DPP10: variants seen among roughly 807,000 people sequenced by gnomAD.
DPP10 encodes dipeptidyl peptidase like 10.
DPP10 carries 33 observed loss-of-function variants against 120.9 expected under a neutral mutation model. The observed-to-expected ratio is 0.27, with a 90% CI of 0.21 to 0.37. DPP10 has a LOEUF of 0.37. Ranked by LOEUF, DPP10 falls within the 10% of genes least tolerant of loss-of-function variation. DPP10 has a pLI of 1.00. For missense variants in DPP10, 816 were observed against 942.8 expected (o/e 0.87, Z 1.76); for synonymous variants, 337 against 326.1 (o/e 1.03, Z -0.36).
intron 13 of DPP10, among the ~76,000 whole-genome samples, chr2:115,775,999 G>C (rs1682051775): frequency 6.6e-6 from 1 of 152,218 alleles, no homozygotes. Flanking sequence ...CTTCTTTAAG[G>C]TGATGAAGGC....
chr2:115,474,533 T>A (rs191996773), intron 3 of DPP10, among the ~76,000 whole-genome samples: 1 of 152,264 alleles, frequency 6.6e-6, no homozygotes, highest in African/African-American at 2.4e-5. Flanking sequence ...TTTGGAACTT[T>A]GAACTTAAGA....
At chr2:114,506,328 G>C (rs12328542) in intron 1 of DPP10, among the ~76,000 whole-genome samples, 1 of 152,134 alleles carries the variant, frequency 6.6e-6, no homozygotes, top group African/African-American at 2.4e-5. Context: ...GAATCCGGCC[G>C]TTCCTCCTCC....
intron 5 of DPP10, among the ~76,000 whole-genome samples, chr2:115,556,599 G>A (rs957938885): frequency 6.6e-6 from 1 of 152,008 alleles, no homozygotes; most frequent in African/African-American, 2.4e-5. Flanking sequence ...GATTTTCTCT[G>A]TGCTTAGCAA....
chr2:115,610,222 C>T (rs976195130), intron 5 of DPP10, among the ~76,000 whole-genome samples: 4 of 152,046 alleles, frequency 2.6e-5, no homozygotes, highest in African/African-American at 9.7e-5. Flanking sequence ...CCTCAGTTCC[C>T]CTCACCCCCC....
intron 3 of DPP10, among the ~76,000 whole-genome samples, chr2:115,421,536 A>G (rs1393721737): frequency 6.6e-6 from 1 of 152,136 alleles, no homozygotes; most frequent in Admixed American, 6.6e-5. Flanking sequence ...AAGGAATTCC[A>G]TGAGGGACTA....
At chr2:114,674,403 C>T (rs1698539332) in intron 1 of DPP10, among the ~76,000 whole-genome samples, 1 of 151,708 alleles carries the variant, frequency 6.6e-6, no homozygotes, top group African/African-American at 2.4e-5. Flanking sequence ...TCATTGATTT[C>T]TTGATTTTAC....
intron 1 of DPP10, among the ~76,000 whole-genome samples, chr2:115,182,851 T>C (rs1313457481): frequency 2.6e-5 from 4 of 152,176 alleles, no homozygotes; most frequent in Non-Finnish European, 4.4e-5. Context: ...ACTTCATCCC[T>C]TTTTCTTCTT....
intron 1 of DPP10, among the ~76,000 whole-genome samples, chr2:114,992,588 C>G (rs1223240990): frequency 6.6e-6 from 1 of 152,080 alleles, no homozygotes; most frequent in Non-Finnish European, 1.5e-5. Context: ...TTAAGACTGC[C>G]CTCTCCACTC....
intron 1 of DPP10, among the ~76,000 whole-genome samples, chr2:114,986,569 A>G (rs887112679): frequency 2.4e-4 from 36 of 152,334 alleles, no homozygotes; most frequent in African/African-American, 8.2e-4. Flanking sequence ...CTACCAATCA[A>G]ATCTGAAGGT....
rs146932611 is a variant in DPP10, at chr2:115,842,234, C to T, written c.2280C>T (p.Asn760=). 156 of 1,612,874 alleles carry T rather than the reference C, an allele frequency of 9.7e-5. No individual in the cohort carries two copies. The highest frequency in any genetic ancestry group is 1.2e-4 in the Non-Finnish European group (142 of 1,179,194). The change falls in exon 26 of 26, where the codon AAC becomes AAT. Residue 760 remains asparagine, a synonymous_variant. Coordinates refer to ENST00000410059, the MANE Select transcript of DPP10 (RefSeq NM_020868.6). ...TMQVYPDEGH[N]VSEKSKYHLY... is the part of the protein sequence containing the mutation. ...AGGTCTACCCAGATGAAGGTCATAA[C>T]GTATCTGAGAAGAGCAAGTATCATC...
intron 4 of DPP10, among the ~76,000 whole-genome samples, chr2:115,510,522 G>A (rs189353033): frequency 1.9e-3 from 284 of 152,012 alleles, no homozygotes; most frequent in Non-Finnish European, 3.6e-3. Flanking sequence ...TTATCCTTAG[G>A]CCAGAAGTTC....
chr2:115,132,287 T>C (rs545447604), intron 1 of DPP10, among the ~76,000 whole-genome samples: 1 of 152,138 alleles, frequency 6.6e-6, no homozygotes, highest in African/African-American at 2.4e-5. Context: ...AGAGAATAGA[T>C]GGTAAATGTG....
At chr2:115,342,235 G>C (rs1473888279) in intron 2 of DPP10, 3 of 436,044 alleles carry the variant, frequency 6.9e-6, no homozygotes, top group East Asian at 7.5e-5. Flanking sequence ...GTCTCACCCT[G>C]TCACCCAGGC....
intron 8 of DPP10, among the ~76,000 whole-genome samples, chr2:115,731,563 G>A (rs2092911253): frequency 6.6e-6 from 1 of 152,098 alleles, no homozygotes; most frequent in Non-Finnish European, 1.5e-5. Context: ...AAGACTCAGA[G>A]AGGATCAGTG....
intron 1 of DPP10, among the ~76,000 whole-genome samples, chr2:114,909,932 C>T (rs775416928): frequency 1.3e-5 from 2 of 151,914 alleles, no homozygotes; most frequent in African/African-American, 2.4e-5. Flanking sequence ...GAACTACAGA[C>T]TCAGTCTGTA....
At chr2:115,307,655 C>G (rs900455839) in intron 1 of DPP10, among the ~76,000 whole-genome samples, 7 of 152,014 alleles carry the variant, frequency 4.6e-5, no homozygotes, top group African/African-American at 1.7e-4. Context: ...GTCACTCTAC[C>G]TTCTGAGTAG....
intron 1 of DPP10, among the ~76,000 whole-genome samples, chr2:114,751,597 C>G (rs1679228734): frequency 6.6e-6 from 1 of 152,182 alleles, no homozygotes; most frequent in African/African-American, 2.4e-5. Context: ...TAGTGATGGT[C>G]CAGGCCCAGG....
chr2:115,242,561 T>G (rs1405107064), intron 1 of DPP10, among the ~76,000 whole-genome samples: 1 of 152,170 alleles, frequency 6.6e-6, no homozygotes, highest in Non-Finnish European at 1.5e-5. Flanking sequence ...GTAATTCTAC[T>G]TTTAGTTCTT....
At chr2:115,375,353 G>A (rs1446374391) in intron 3 of DPP10, among the ~76,000 whole-genome samples, 3 of 152,148 alleles carry the variant, frequency 2.0e-5, no homozygotes, top group Admixed American at 2.0e-4. Context: ...CTTTGCTCCA[G>A]TAACCAGTAA....
Sources: allele counts gnomAD v4.1 joint callset (sites outside exome capture counted in the v4.1 genomes callset), GRCh38; gene constraint gnomAD v4.1.1; transcripts MANE v1.5; gene names NCBI Gene and HGNC (gene_info 2026-07-23, HGNC 2026-07-21).